NKAIN2: variants seen among roughly 807,000 people sequenced by gnomAD.
NKAIN2 encodes sodium/potassium transporting ATPase interacting 2, also known as sodium/potassium-transporting ATPase subunit beta-1-interacting protein 2.
NKAIN2 carries 14 observed loss-of-function variants against 32.6 expected under a neutral mutation model. The ratio of observed to expected loss-of-function variants is 0.43; its 90% confidence interval spans 0.28 to 0.67. The LOEUF (loss-of-function observed/expected upper bound fraction) is 0.67. Among genes scored for constraint, NKAIN2 ranks in the 30% least tolerant of loss-of-function variants. The pLI, the probability that NKAIN2 is intolerant of heterozygous loss-of-function variation, is 0.17. For missense variants in NKAIN2, 198 were observed against 258.3 expected, an observed-to-expected ratio of 0.77 and a Z score of 1.60; for synonymous variants, 80 against 87.2, an observed-to-expected ratio of 0.92 and a Z score of 0.46.
intron 3 of NKAIN2, among the ~76,000 whole-genome samples, chr6:124,569,440 T>C (rs1244727189): frequency 6.6e-6 from 1 of 152,210 alleles, no homozygotes; most frequent in Admixed American, 6.5e-5. Flanking sequence ...TGATATGGTT[T>C]GGCTGTGTCC....
At chr6:124,452,315 G>C (rs1302530258) in intron 3 of NKAIN2, among the ~76,000 whole-genome samples, 2 of 151,978 alleles carry the variant, frequency 1.3e-5, no homozygotes, top group African/African-American at 4.8e-5. Context: ...GTTGACCAGA[G>C]CATTGGTCAA....
At chr6:124,697,717 T>A (rs778006392) in intron 4 of NKAIN2, among the ~76,000 whole-genome samples, 1 of 152,206 alleles carries the variant, frequency 6.6e-6, no homozygotes, top group Admixed American at 6.5e-5. Flanking sequence ...CATTTTATTA[T>A]TCCTATAAAG....
chr6:124,062,676 A>G (rs1326284150), intron 1 of NKAIN2, among the ~76,000 whole-genome samples: 1 of 152,078 alleles, frequency 6.6e-6, no homozygotes, highest in East Asian at 1.9e-4. Context: ...CAGCCTCTCA[A>G]AGTGTTGGGA....
At chr6:124,325,821 AC>A (rs1797387802) in intron 2 of NKAIN2, among the ~76,000 whole-genome samples, 1 of 152,096 alleles carries the variant, frequency 6.6e-6, no homozygotes, top group Admixed American at 6.6e-5. Flanking sequence ...ACCCAATAGC[AC>A]CCTTAAAATT....
chr6:124,679,817 G>A (rs1773532183), intron 4 of NKAIN2, among the ~76,000 whole-genome samples: 1 of 152,118 alleles, frequency 6.6e-6, no homozygotes, highest in African/African-American at 2.4e-5. Context: ...TTAATAATGT[G>A]TGACAGGAAC....
At chr6:124,009,731 GA>G (rs1317297352) in intron 1 of NKAIN2, among the ~76,000 whole-genome samples, 1 of 152,000 alleles carries the variant, frequency 6.6e-6, no homozygotes, top group Non-Finnish European at 1.5e-5. Context: ...AAATAAATAG[GA>G]ACATTGTGAA....
intron 3 of NKAIN2, among the ~76,000 whole-genome samples, chr6:124,640,396 C>A (rs1028462708): frequency 6.6e-6 from 1 of 152,080 alleles, no homozygotes; most frequent in African/African-American, 2.4e-5. Context: ...TCTTAAATGG[C>A]AGTAATATCT....
In NKAIN2 at chr6:124,391,988, C is replaced by T. The variant is rs1773163305; in HGVS notation, c.273+36641C>T. On this transcript the variant is annotated intron_variant, in intron 3 of 6. Transcript: ENST00000368417. Reference sequence around the variant, plus strand: ...ATTTGTCTTGTTACTTGATGCCAAACAATGAATTCACCTGATATAACACAT... The same window carrying T: ...ATTTGTCTTGTTACTTGATGCCAAATAATGAATTCACCTGATATAACACAT... Among the ~76,000 whole-genome samples the T allele has an allele frequency of 3.3e-5, 5 of 152,076 alleles. No individual in the cohort carries two copies. The South Asian group carries it at 1.0e-3, about 31-fold the overall frequency.
intron 1 of NKAIN2, among the ~76,000 whole-genome samples, chr6:124,224,477 G>A (rs1792004896): frequency 6.6e-6 from 1 of 151,956 alleles, no homozygotes; most frequent in South Asian, 2.1e-4. Context: ...TTCTTGTGTT[G>A]TTTCTAGATG....
At chr6:124,275,487 AG>A (rs1429519208) in intron 1 of NKAIN2, among the ~76,000 whole-genome samples, 1 of 152,156 alleles carries the variant, frequency 6.6e-6, no homozygotes, top group Non-Finnish European at 1.5e-5. Context: ...ATGTGGAGAC[AG>A]TTTTAAAAAT....
intron 1 of NKAIN2, among the ~76,000 whole-genome samples, chr6:123,950,635 G>T (rs745722609): frequency 6.6e-6 from 1 of 151,806 alleles, no homozygotes; most frequent in Non-Finnish European, 1.5e-5. Context: ...TATGGTATCA[G>T]TTGTAATGGC....
At chr6:124,090,459 C>G (rs1019674531) in intron 1 of NKAIN2, among the ~76,000 whole-genome samples, 7 of 151,920 alleles carry the variant, frequency 4.6e-5, no homozygotes, top group African/African-American at 1.7e-4. Flanking sequence ...CACCTCTTAT[C>G]TAAATTAGTA....
At chr6:124,748,890 T>C (rs1651155359) in intron 4 of NKAIN2, among the ~76,000 whole-genome samples, 1 of 150,904 alleles carries the variant, frequency 6.6e-6, no homozygotes, top group South Asian at 2.1e-4. Context: ...ATTCGTTTTC[T>C]ATTGCAGCTG....
chr6:124,653,175 T>C (rs1600272), intron 3 of NKAIN2, among the ~76,000 whole-genome samples: 80,456 of 151,650 alleles, frequency 0.53, 21,830 homozygotes, highest in Middle Eastern at 0.6. Flanking sequence ...AGGTGAAAGA[T>C]CCAGAATAGA....
chr6:124,744,510 TA>T (rs1451237211), intron 4 of NKAIN2, among the ~76,000 whole-genome samples: 4 of 151,846 alleles, frequency 2.6e-5, no homozygotes, highest in African/African-American at 9.7e-5. Context: ...CGAATCTATT[TA>T]TTTTTTTTTC....
At chr6:124,781,392 C>T (rs1233947512) in intron 4 of NKAIN2, among the ~76,000 whole-genome samples, 2 of 151,974 alleles carry the variant, frequency 1.3e-5, no homozygotes, top group African/African-American at 4.8e-5. Context: ...TTACCACATG[C>T]CCAGAATATA....
In NKAIN2 at chr6:124,171,527, C is replaced by T. The variant is rs902570241; in HGVS notation, c.55-111478C>T. Reference sequence around the variant, plus strand: ...TAATCATAAAACAATGTTAAGTTTTCGTAAGAGAGGGCCGATTTGATTTTT... The same window carrying T: ...TAATCATAAAACAATGTTAAGTTTTTGTAAGAGAGGGCCGATTTGATTTTT... On this transcript the variant is annotated intron_variant, in intron 1 of 6. Coordinates refer to ENST00000368417, the MANE Select transcript of NKAIN2 (RefSeq NM_001040214.3). Among the ~76,000 whole-genome samples, 9 of 143,488 alleles carry T rather than the reference C, an allele frequency of 6.3e-5. No homozygotes were observed. In the South Asian group the frequency reaches 1.4e-3, roughly 22 times the overall value. 94.1% of individuals were successfully genotyped at this position (143,488 alleles called of 152,430 possible).
chr6:124,034,946 AC>A (rs140358028), intron 1 of NKAIN2, among the ~76,000 whole-genome samples: 1,776 of 151,956 alleles, frequency 0.012, 30 homozygotes, highest in African/African-American at 0.041. Flanking sequence ...TTTTCTAACC[AC>A]TTGTTTAGAA....
chr6:124,765,200 GCAAT>G (rs1312101894), intron 4 of NKAIN2, among the ~76,000 whole-genome samples: 2 of 152,256 alleles, frequency 1.3e-5, no homozygotes, highest in Admixed American at 1.3e-4. Flanking sequence ...ATAGAAAAAT[GCAAT>G]CAAAGCATGT....
Sources: gnomAD v4.1 joint callset for allele counts (sites outside exome capture counted in the v4.1 genomes callset) on GRCh38, gnomAD v4.1.1 for gene constraint, MANE v1.5 for transcripts, NCBI Gene and HGNC (gene_info 2026-07-23, HGNC 2026-07-21) for gene names.